DDX31: variants seen among roughly 807,000 people sequenced by gnomAD.
The protein encoded by DDX31 is DEAD-box helicase 31.
Under a neutral mutation model 91.3 loss-of-function variants are expected in DDX31, and 70 were observed. The ratio of observed to expected loss-of-function variants is 0.77; its 90% CI spans 0.63 to 0.94. The LOEUF is 0.94. Among genes scored for constraint, DDX31 ranks in the 40% least tolerant of loss-of-function variants. The pLI, the probability that DDX31 is intolerant of heterozygous loss-of-function variation, is 0.00. For synonymous variants in DDX31, 362 were observed against 350.6 expected (o/e 1.03, Z -0.36); for missense variants, 902 against 925.0 (o/e 0.98, Z 0.32).
At chr9:132,669,256 G>GGGGGGGGGGGGGGGGGC in intron 1 of DDX31, among the ~76,000 whole-genome samples, 2 of 115,510 alleles carry the variant, frequency 1.7e-5, no homozygotes, top group South Asian at 3.0e-4. Context: ...CACCCCGCCC[G>GGGGGGGGGGGGGGGGGC]CCCCCCCCAA....
intron 18 of DDX31, among the ~76,000 whole-genome samples, chr9:132,617,071 G>A (rs1251288931): frequency 6.6e-6 from 1 of 152,038 alleles, no homozygotes; most frequent in Non-Finnish European, 1.5e-5. Flanking sequence ...CCACACTTCT[G>A]CTCCCCCTTC....
chr9:132,659,939 T>C (rs1453090454), intron 4 of DDX31, among the ~76,000 whole-genome samples, 159 bp from the exon 5 acceptor site: 1 of 152,216 alleles, frequency 6.6e-6, no homozygotes, highest in Non-Finnish European at 1.5e-5. Context: ...AAGAAACTTT[T>C]GATGATTATA....
intron 15 of DDX31, among the ~76,000 whole-genome samples, chr9:132,631,106 T>C (rs1564303972): frequency 2.0e-5 from 3 of 152,240 alleles, no homozygotes; most frequent in African/African-American, 2.4e-5. Context: ...ATGCAAAGCA[T>C]TGTATGTTTT....
intron 6 of DDX31, among the ~76,000 whole-genome samples, chr9:132,655,265 GTACA>G (rs5900986): frequency 0.29 from 43,662 of 151,668 alleles, 6,543 homozygotes; most frequent in Middle Eastern, 0.41. Context: ...GTAATTCACG[GTACA>G]TACATACATA....
chr9:132,595,459 G>A lies in DDX31; in HGVS notation c.1995-347C>T, dbSNP rs79109346. ...GCCAAAGGACAGGGAAAAACCCACC[G>A]TCACACTCAACAACATGAAGCAGTG... On this transcript the variant is annotated intron_variant, in intron 19 of 19. Transcript: ENST00000372159. This position sits in a 1 kb window ranked among gnomAD's most constrained non-coding sequence, Gnocchi z 4.6. 6.6e-3 allele frequency among the ~76,000 whole-genome samples: 998 copies of A among 152,252 alleles called. 10 individuals carry two copies. Among genetic ancestry groups the A allele is most frequent in the African/African-American group, 0.023 (959 of 41,538 alleles).
intron 6 of DDX31, chr9:132,658,117 C>A: frequency 3.6e-6 from 2 of 557,334 alleles, no homozygotes; most frequent in Non-Finnish European, 6.4e-6. Context: ...ATTGAGTGAC[C>A]ATTCTGTAAA....
chr9:132,652,483 C>T lies in DDX31; in HGVS notation c.598G>A (p.Gly200Ser). ...GGCACGAGCACCAGGGCATAGGGGC[C>T]ATCACTGCGCTGTTGACACACAGAA... ...AMESKIQRSD[G>S]PYALVLVPTR... Residue 200 changes from glycine (G) to serine (S), a missense_variant, in exon 7 of 20, where the codon GGC becomes AGC. Coordinates refer to ENST00000372159, the MANE Select transcript of DDX31 (RefSeq NM_022779.9). The T allele has an allele frequency of 6.2e-7, 1 of 1,614,056 alleles. No homozygotes were observed. Among genetic ancestry groups the T allele is most frequent in the African/African-American group, 1.3e-5 (1 of 75,018 alleles).
chr9:132,638,462 T>G, intron 14 of DDX31: 1 of 1,519,992 alleles, frequency 6.6e-7, no homozygotes, highest in Non-Finnish European at 9.1e-7. Context: ...GCTTTGAACT[T>G]CCAATGACTC....
At chr9:132,640,658 G>A (rs974359718) in intron 14 of DDX31, among the ~76,000 whole-genome samples, 1 of 151,928 alleles carries the variant, frequency 6.6e-6, no homozygotes, top group African/African-American at 2.4e-5. Flanking sequence ...CACCATGCCT[G>A]GCTAATTTTT....
chr9:132,632,712 T>C (rs1832870469), intron 14 of DDX31, among the ~76,000 whole-genome samples: 1 of 152,156 alleles, frequency 6.6e-6, no homozygotes, highest in African/African-American at 2.4e-5. Context: ...AAGGATCTAG[T>C]AACCCCCTAC....
At position 132,612,170 on chromosome 9, in the gene DDX31, AT is replaced by A. The variant is rs1564284916; in HGVS notation, c.1910del (p.His637LeufsTer8). 6.2e-6 allele frequency: 10 copies of A among 1,614,176 alleles called. No homozygotes were observed. Among genetic ancestry groups the A allele is most frequent in the Non-Finnish European group, 7.6e-6 (9 of 1,180,034 alleles). On this transcript the variant is annotated frameshift_variant, in exon 19 of 20. Coordinates refer to ENST00000372159, the MANE Select transcript of DDX31 (RefSeq NM_022779.9). LOFTEE classifies it high-confidence loss of function. Reference sequence around the variant, plus strand: ...CTCTTAGTCCGAAGCTCTTCGCCACATGCCCAAGGTGGAGGGATCGGACGTG... The same window carrying A: ...CTCTTAGTCCGAAGCTCTTCGCCACAGCCCAAGGTGGAGGGATCGGACGTG... ...IFHVRSLHLG[H>X]VAKSFGLRDA...
intron 19 of DDX31, among the ~76,000 whole-genome samples, chr9:132,611,160 C>T (rs940066585): frequency 2.6e-5 from 4 of 152,138 alleles, no homozygotes; most frequent in African/African-American, 7.2e-5. Context: ...GGGGAGCCTG[C>T]GGCGTTTGTA....
chr9:132,630,487 A>G, intron 15 of DDX31, 84 bp from the exon 16 acceptor site: 1 of 1,332,822 alleles, frequency 7.5e-7, no homozygotes, highest in Admixed American at 2.2e-5. Flanking sequence ...ACCTGCCTCC[A>G]GGTATCCCAA....
Position 132,606,678 on chromosome 9 carries a change from C to T in DDX31, c.1994+5409G>A, listed in dbSNP as rs377278990. Among the ~76,000 whole-genome samples the T allele has an allele frequency of 1.4e-4, 22 of 152,248 alleles. 1 individual carries two copies. In the South Asian group the frequency reaches 1.4e-3, roughly 10 times the overall value. ...AGGCCAGAGGACCCAGGCACAGAGA[C>T]GCTGAGTGACTTGTCCAGAGGCACA... On this transcript the variant is annotated intron_variant, in intron 19 of 19. Coordinates refer to ENST00000372159, the MANE Select transcript of DDX31 (RefSeq NM_022779.9).
intron 17 of DDX31, among the ~76,000 whole-genome samples, chr9:132,621,690 C>T (rs1014435126): frequency 3.1e-4 from 47 of 152,148 alleles, no homozygotes; most frequent in Admixed American, 2.6e-3. Context: ...TTGAGGACAG[C>T]AATTAAGACA....
In DDX31 at chr9:132,648,495, A is replaced by G. The variant is rs1183985955; in HGVS notation, c.797T>C (p.Ile266Thr). The change falls in exon 10 of 20, where the codon ATA becomes ACA. Residue 266 changes from isoleucine to threonine, a missense_variant. Transcript: ENST00000372159. ...ISTPGRLVDHIKSTKNIHFSR... is the reference protein window; with the variant it reads ...ISTPGRLVDHTKSTKNIHFSR... The stretch of plus-strand genomic sequence containing the variant: ...AAAATGAATGTTCTTTGTGGATTTT[A>G]TATGATCCACCAGGCGTCCAGGAGT... 1.9e-6 allele frequency: 3 copies of G among 1,613,980 alleles called. No homozygotes were observed. The highest frequency in any genetic ancestry group is 3.3e-5 in the Admixed American group (2 of 59,990).
rs1267514510 is a variant in DDX31, at chr9:132,626,224, A to G, written c.1632-479T>C. ...CCCTGTGAGGGTAACGAGGGCACAA[A>G]GCCCTGTCCCAGCAGCACTGGCCTT... On this transcript the variant is annotated intron_variant, in intron 16 of 19. Transcript: ENST00000372159. Among the ~76,000 whole-genome samples, 3 of 152,156 alleles carry G rather than the reference A, an allele frequency of 2.0e-5. No individual in the cohort carries two copies. The East Asian group carries it at 5.8e-4, about 29-fold the overall frequency.
At chr9:132,620,968 G>C (rs2119396555) in intron 17 of DDX31, among the ~76,000 whole-genome samples, 1 of 152,294 alleles carries the variant, frequency 6.6e-6, no homozygotes, top group African/African-American at 2.4e-5. Context: ...ACATCCTACT[G>C]ATCTTGGAAA....
intron 6 of DDX31, 87 bp downstream of exon 6, chr9:132,658,584 T>G: frequency 7.2e-6 from 9 of 1,248,144 alleles, no homozygotes; most frequent in Non-Finnish European, 1.0e-5. Context: ...AAACAGATTC[T>G]TTTAGTCCTA....
Sources: allele counts gnomAD v4.1 joint callset (sites outside exome capture counted in the v4.1 genomes callset), GRCh38; gene constraint gnomAD v4.1.1; non-coding constraint Gnocchi (gnomAD v3.1); transcripts MANE v1.5; gene names NCBI Gene and HGNC (gene_info 2026-07-23, HGNC 2026-07-21).